The following PRAME variants were observed in gnomAD, a reference collection of about 807,000 sequenced individuals.
PRAME encodes the protein PRAME nuclear receptor transcriptional regulator.
Under a neutral mutation model 32.1 loss-of-function variants are expected in PRAME, and 21 were observed. The ratio of observed to expected loss-of-function variants is 0.65; its 90% CI spans 0.46 to 0.94. The LOEUF (loss-of-function observed/expected upper bound fraction) is 0.94, where lower values mean the gene tolerates loss of function less well. Ranked by LOEUF, PRAME falls within the 40% of genes least tolerant of loss-of-function variation. PRAME has a pLI of 0.00. For missense variants in PRAME, 651 were observed against 622.3 expected (o/e 1.05, Z -0.49); for synonymous variants, 274 against 251.5 (o/e 1.09, Z -0.85).
chr22:22,552,731 T>C (rs762571923), intron 3 of PRAME: 11 of 410,982 alleles, frequency 2.7e-5, no homozygotes, highest in Non-Finnish European at 5.6e-5. Context: ...CTAAGCAGCA[T>C]TGGCCCTCAT....
rs755115300 is a variant in PRAME at position 22,549,818 on chromosome 22, C to G, written c.861G>C (p.Gln287His). ...SPEKEEQYIA[Q>H]FTSQFLSLQC... is the part of the protein sequence containing the mutation. Reference sequence around the variant, plus strand: ...GCAGACTGAGGAACTGAGAGGTGAACTGGGCGATATACTGCTCTTCCTTCT... The same window carrying G: ...GCAGACTGAGGAACTGAGAGGTGAAGTGGGCGATATACTGCTCTTCCTTCT... The change falls in exon 5 of 6, where the codon CAG (glutamine) becomes CAC (histidine). Residue 287 changes from glutamine to histidine, a missense_variant. Gln to His is a conservative substitution (Grantham distance 24). Coordinates refer to ENST00000405655, the MANE Select transcript of PRAME (RefSeq NM_206956.3). 1 of 1,613,758 alleles carries G rather than the reference C, an allele frequency of 6.2e-7. No homozygotes were observed. Among genetic ancestry groups the G allele is most frequent in the South Asian group, 1.1e-5 (1 of 91,058 alleles).
intron 2 of PRAME, chr22:22,557,146 G>A (rs1038227940): frequency 4.3e-6 from 2 of 466,904 alleles, no homozygotes; most frequent in African/African-American, 3.9e-5. Flanking sequence ...GACCCCTGTG[G>A]TCAAGGACCC....
rs374804239 is a variant in PRAME at position 22,549,935 on chromosome 22, G to T, written c.744C>A (p.Thr248=). Residue 248 remains threonine, a synonymous_variant, in exon 5 of 6, where the codon ACC becomes ACA. Coordinates refer to ENST00000405655, the MANE Select transcript of PRAME (RefSeq NM_206956.3). ...CCAGGTAAGGAGAAAATTTCGCCAA[G>T]GTGGGTAGCTTCCAGGTACAAGTCA... is the stretch of plus-strand genomic sequence containing the variant. ...LEVTCTWKLP[T]LAKFSPYLGQ... is the part of the protein sequence containing the mutation. 6.2e-7 allele frequency: 1 copy of T among 1,613,862 alleles called. No homozygotes were observed. The highest frequency in any genetic ancestry group is 8.5e-7 in the Non-Finnish European group (1 of 1,179,968).
At chr22:22,555,692 G>A (rs1245016626) in intron 3 of PRAME, 8 of 350,244 alleles carry the variant, frequency 2.3e-5, no homozygotes, top group East Asian at 7.7e-5. Context: ...ACAGTCCAAC[G>A]CACTGTGCCG....
Position 22,549,742 on chromosome 22 carries a change from G to A in PRAME, c.937C>T (p.Leu313=). The stretch of plus-strand genomic sequence containing the variant: ...ATCCCTCACCTGAGCAACTGATCCA[G>A]GCGGCCTCTAAGGAAAAATAAAGAG... ...VDSLFFLRGR[L]DQLLRHVMNP... The change falls in exon 5 of 6, where the codon CTG becomes TTG. Residue 313 remains leucine (L), a synonymous_variant. Coordinates refer to ENST00000405655, the MANE Select transcript of PRAME (RefSeq NM_206956.3). 6.2e-7 allele frequency: 1 copy of A among 1,605,924 alleles called. No individual in the cohort carries two copies. The highest frequency in any genetic ancestry group is 8.5e-7 in the Non-Finnish European group (1 of 1,177,084).
chr22:22,550,396 A>G (rs889664341), intron 4 of PRAME, 62 bp from the exon 5 acceptor site: 2 of 1,556,790 alleles, frequency 1.3e-6, no homozygotes, highest in Non-Finnish European at 1.7e-6. Flanking sequence ...AAATAAGACC[A>G]TGAGTCTCAT....
In PRAME at chr22:22,551,024, CA is replaced by C; in HGVS notation, c.86del (p.Leu29ArgfsTer7). 1 of 1,611,648 alleles carries C rather than the reference CA, an allele frequency of 6.2e-7. No individual in the cohort carries two copies. The highest frequency in any genetic ancestry group is 8.5e-7 in the Non-Finnish European group (1 of 1,178,506). ...VWTSPRRLVELAGQSLLKDEA... is the reference protein window; with the variant it reads ...VWTSPRRLVEXAGQSLLKDEA... ...CATCCTTCAGCAGGCTCTGCCCTGC[CA>C]GCTCCACAAGTCTCCGTGGGCTTGT... On this transcript the variant is annotated frameshift_variant, in exon 4 of 6. Coordinates refer to ENST00000405655, the MANE Select transcript of PRAME (RefSeq NM_206956.3). LOFTEE classifies it high-confidence loss of function.
chr22:22,551,058 C>G lies in PRAME; in HGVS notation c.53G>C (p.Ser18Thr). 6 of 1,598,156 alleles carry G rather than the reference C, an allele frequency of 3.8e-6. No individual in the cohort carries two copies. Among genetic ancestry groups the G allele is most frequent in the Non-Finnish European group, 5.1e-6 (6 of 1,169,548 alleles). The change falls in exon 4 of 6, where the codon AGT becomes ACT. Residue 18 changes from serine (S) to threonine (T), a missense_variant. By Grantham distance (58) the Ser-to-Thr change is moderately conservative. Transcript: ENST00000405655. ...AAGTCTCCGTGGGCTTGTCCACACA[C>G]TCATGCTGATGTATCGGCTCTGAAT... ...GSIQSRYISM[S>T]VWTSPRRLVE... is the part of the protein sequence containing the mutation.
intron 3 of PRAME, among the ~76,000 whole-genome samples, chr22:22,554,955 CT>C (rs1245804991): frequency 1.3e-5 from 2 of 151,972 alleles, no homozygotes; most frequent in African/African-American, 4.8e-5. Flanking sequence ...GGCAGTGACA[CT>C]CCTCTGTCCA....
chr22:22,549,824 G>A lies in PRAME; in HGVS notation c.855C>T (p.Ile285=), dbSNP rs758741634. The A allele has an allele frequency of 1.2e-5, 19 of 1,613,682 alleles. 1 individual carries two copies. In the South Asian group the frequency reaches 1.5e-4, roughly 13 times the overall value. Residue 285 remains isoleucine (I), a synonymous_variant, in exon 5 of 6, where the codon ATC becomes ATT. Coordinates refer to ENST00000405655, the MANE Select transcript of PRAME (RefSeq NM_206956.3). ...TGAGGAACTGAGAGGTGAACTGGGC[G>A]ATATACTGCTCTTCCTTCTCCGGGG... The part of the protein sequence containing the change: ...YISPEKEEQY[I]AQFTSQFLSL...
rs370567456 is a variant in PRAME, at chr22:22,548,084, A to G, written c.1513T>C (p.Cys505Arg). 525 of 1,610,570 alleles carry G rather than the reference A, an allele frequency of 3.3e-4. 1 individual carries two copies. Among genetic ancestry groups the G allele is most frequent in the Non-Finnish European group, 4.4e-4 (515 of 1,177,876 alleles). Reference protein sequence around the residue: ...FYDPEPILCPCFMPN With the variant: ...FYDPEPILCPRFMPN ...GCACCCAGCTAATTAGGCATGAAAC[A>G]GGGGCACAGGATGGGCTCCGGGTCA... Residue 505 changes from cysteine to arginine, a missense_variant, in exon 6 of 6, where the codon TGT (cysteine) becomes CGT (arginine). By Grantham distance (180) the Cys-to-Arg change is radical. Transcript: ENST00000405655.
In PRAME at chr22:22,550,010, G is replaced by A. The variant is rs773694484; in HGVS notation, c.669C>T (p.Ile223=). 6.2e-7 allele frequency: 1 copy of A among 1,613,834 alleles called. No homozygotes were observed. Among genetic ancestry groups the A allele is most frequent in the South Asian group, 1.1e-5 (1 of 91,068 alleles). ...LKIFAMPMQD[I]KMILKMVQLD... ...GCTGCACCATTTTCAGGATCATCTT[G>A]ATATCCTGCATGGGCATTGCAAAAA... Residue 223 remains isoleucine, a synonymous_variant, in exon 5 of 6, where the codon ATC becomes ATT. Coordinates refer to ENST00000405655, the MANE Select transcript of PRAME (RefSeq NM_206956.3).
rs780117650 is a variant in PRAME, at chr22:22,550,207, T to C, written c.472A>G (p.Lys158Glu). Residue 158 changes from lysine to glutamate, a missense_variant, in exon 5 of 6, where the codon AAG becomes GAG. Transcript: ENST00000405655. ...GTGCTCAAACCATCTACTTTTCGCT[T>C]CTTTGTCATGGGCTGAGCTGCTTCT... Reference protein sequence around the residue: ...EPEAAQPMTKKRKVDGLSTEA... With the variant: ...EPEAAQPMTKERKVDGLSTEA... 1.2e-6 allele frequency: 2 copies of C among 1,613,794 alleles called. No individual in the cohort carries two copies. Among genetic ancestry groups the C allele is most frequent in the South Asian group, 1.1e-5 (1 of 91,068 alleles).
At position 22,549,981 on chromosome 22, in the gene PRAME, T is replaced by C. The variant is rs746891096; in HGVS notation, c.698A>G (p.Asp233Gly). The C allele has an allele frequency of 3.7e-6, 6 of 1,613,632 alleles. No individual in the cohort carries two copies. The highest frequency in any genetic ancestry group is 5.1e-6 in the Non-Finnish European group (6 of 1,179,976). The change falls in exon 5 of 6, where the codon GAC (aspartate) becomes GGC (glycine). Residue 233 changes from aspartate (D) to glycine (G), a missense_variant. By Grantham distance (94) the Asp-to-Gly change is moderately conservative (BLOSUM62 -1). Transcript: ENST00000405655. ...AGTCACTTCCAAATCTTCAATAGAG[T>C]CCAGCTGCACCATTTTCAGGATCAT... ...IKMILKMVQL[D>G]SIEDLEVTCT...
chr22:22,556,999 C>T (rs2062967784), intron 2 of PRAME, 90 bp from the exon 3 acceptor site: 1 of 771,954 alleles, frequency 1.3e-6, no homozygotes. Flanking sequence ...TCCGCAAATA[C>T]TGCTGAGGAA....
At chr22:22,556,709 T>C (rs2062947013) in intron 3 of PRAME, 103 bp downstream of exon 3, 2 of 1,394,112 alleles carry the variant, frequency 1.4e-6, no homozygotes, top group African/African-American at 1.4e-5. Context: ...CTTCGTCTAC[T>C]GTGAGGGACC....
At chr22:22,552,611 TAAG>T (rs1482857500) in intron 3 of PRAME, among the ~76,000 whole-genome samples, 1 of 152,004 alleles carries the variant, frequency 6.6e-6, no homozygotes, top group East Asian at 1.9e-4. Context: ...GTGTATCAAT[TAAG>T]AAATCAATCC....
At chr22:22,556,998 A>C in intron 2 of PRAME, 89 bp from the exon 3 acceptor site, 1 of 771,594 alleles carries the variant, frequency 1.3e-6, no homozygotes, top group Non-Finnish European at 2.1e-6. Flanking sequence ...CTCCGCAAAT[A>C]CTGCTGAGGA....
At chr22:22,553,790 A>C in intron 3 of PRAME, 1 of 984,962 alleles carries the variant, frequency 1.0e-6, no homozygotes. Flanking sequence ...ACAAGGGCTG[A>C]AAGCACACAT....
Sources: allele counts gnomAD v4.1 joint callset (sites outside exome capture counted in the v4.1 genomes callset), GRCh38; gene constraint gnomAD v4.1.1; transcripts MANE v1.5; gene names NCBI Gene and HGNC (gene_info 2026-07-23, HGNC 2026-07-21).